The following KIAA1217 variants were observed in gnomAD, a reference collection of about 807,000 sequenced individuals.
KIAA1217 encodes sickle tail protein homolog.
Under a neutral mutation model 163.9 loss-of-function variants are expected in KIAA1217, and 88 were observed. That is an observed-to-expected ratio of 0.54 (90% CI 0.45 to 0.64). The LOEUF is 0.64. KIAA1217 is among the 30% of genes least tolerant of loss of function. The pLI is 0.00. For synonymous variants in KIAA1217, 903 were observed against 923.1 expected (o/e 0.98, Z 0.39); for missense variants, 2,372 against 2,475.0 (o/e 0.96, Z 0.88).
At chr10:24,444,382 G>A (rs1454975474) in intron 5 of KIAA1217, among the ~76,000 whole-genome samples, 1 of 152,174 alleles carries the variant, frequency 6.6e-6, no homozygotes, top group African/African-American at 2.4e-5. Flanking sequence ...CCTACCCCAG[G>A]AAGCTTTCGC....
chr10:23,738,658 A>G (rs1838940951), intron 1 of KIAA1217, among the ~76,000 whole-genome samples: 1 of 151,906 alleles, frequency 6.6e-6, no homozygotes, highest in Admixed American at 6.6e-5. Context: ...GAAAATGGTG[A>G]GCAGTGAGGA....
intron 1 of KIAA1217, among the ~76,000 whole-genome samples, chr10:23,857,597 A>G (rs1234576149): frequency 6.6e-6 from 1 of 152,198 alleles, no homozygotes; most frequent in African/African-American, 2.4e-5. Flanking sequence ...TTAAATCAGA[A>G]GGTCTAGGGT....
intron 1 of KIAA1217, among the ~76,000 whole-genome samples, chr10:23,813,970 A>G (rs1383916913): frequency 6.6e-6 from 1 of 152,164 alleles, no homozygotes; most frequent in African/African-American, 2.4e-5. Context: ...TCAATTCAGG[A>G]TGATGCAGTT....
intron 5 of KIAA1217, chr10:24,466,887 GT>G (rs1375417705): frequency 2.8e-6 from 2 of 708,274 alleles, no homozygotes; most frequent in African/African-American, 3.9e-5. Flanking sequence ...TGAGTGGTAT[GT>G]TTACAAATTC....
intron 1 of KIAA1217, among the ~76,000 whole-genome samples, chr10:23,913,795 T>C (rs1466839988): frequency 6.6e-6 from 1 of 152,080 alleles, no homozygotes. Context: ...TTTTACACAC[T>C]GGGAAGGTGG....
chr10:24,312,491 T>G (rs986980160), intron 2 of KIAA1217, among the ~76,000 whole-genome samples: 1 of 152,036 alleles, frequency 6.6e-6, no homozygotes, highest in Admixed American at 6.6e-5. Flanking sequence ...TGGTGGCGCA[T>G]GCCTGTAATC....
chr10:24,373,087 C>T (rs1276059767), intron 2 of KIAA1217, among the ~76,000 whole-genome samples: 1 of 152,184 alleles, frequency 6.6e-6, no homozygotes, highest in South Asian at 2.1e-4. Flanking sequence ...TCTCCTGGGA[C>T]TTATAGTGAA....
At chr10:24,032,669 A>G (rs2131540782) in intron 2 of KIAA1217, among the ~76,000 whole-genome samples, 1 of 152,324 alleles carries the variant, frequency 6.6e-6, no homozygotes, top group African/African-American at 2.4e-5. Flanking sequence ...AGTCACAAGT[A>G]TGTAAAGCCT....
intron 2 of KIAA1217, among the ~76,000 whole-genome samples, chr10:24,069,230 G>A (rs1266166383): frequency 3.3e-5 from 5 of 152,212 alleles, no homozygotes; most frequent in East Asian, 1.9e-4. Flanking sequence ...ACAAAAGCCA[G>A]TCCTTTAGGT....
rs531804258 is a variant in KIAA1217 at position 23,942,298 on chromosome 10, T to C, written c.-320-64927T>C. Among the ~76,000 whole-genome samples the C allele has an allele frequency of 2.6e-5, 4 of 152,124 alleles. No individual in the cohort carries two copies. In the South Asian group the frequency reaches 6.2e-4, roughly 24 times the overall value. On this transcript the variant is annotated intron_variant, in intron 1 of 18. Coordinates refer to the KIAA1217 transcript ENST00000376462. ...TCTATAAATATATTTAAGAATGTAA[T>C]GGAAAAGGTGGTAATAATGAGTGAA...
intron 2 of KIAA1217, among the ~76,000 whole-genome samples, chr10:24,319,686 A>C (rs1564465435): frequency 6.6e-6 from 1 of 152,152 alleles, no homozygotes; most frequent in Non-Finnish European, 1.5e-5. Flanking sequence ...AGCCTTGAAG[A>C]CCACCCCAGG....
intron 1 of KIAA1217, among the ~76,000 whole-genome samples, chr10:23,812,366 T>A (rs753457291): frequency 6.6e-5 from 10 of 152,208 alleles, no homozygotes; most frequent in Non-Finnish European, 1.2e-4. Context: ...TTAATTCATG[T>A]GAATGCCTTA....
chr10:23,757,583 T>C (rs192145441), intron 1 of KIAA1217, among the ~76,000 whole-genome samples: 2 of 152,232 alleles, frequency 1.3e-5, no homozygotes, highest in African/African-American at 4.8e-5. Context: ...AGTGGCGTGA[T>C]CTCAGTTCAC....
At chr10:23,735,859 ACAATCAAC>A (rs1176649095) in intron 1 of KIAA1217, among the ~76,000 whole-genome samples, 1 of 152,240 alleles carries the variant, frequency 6.6e-6, no homozygotes, top group Non-Finnish European at 1.5e-5. Context: ...GACATATGAA[ACAATCAAC>A]CATCAACATA....
intron 9 of KIAA1217, among the ~76,000 whole-genome samples, chr10:24,502,213 G>A (rs1001999783): frequency 6.6e-6 from 1 of 150,918 alleles, no homozygotes; most frequent in African/African-American, 2.4e-5. Context: ...CACACTGAAC[G>A]GGGACAAAGG....
At chr10:24,545,769 TG>T (rs1402653446) in intron 20 of KIAA1217, 57 bp from the exon 21 acceptor site, 79 of 1,539,844 alleles carry the variant, frequency 5.1e-5, no homozygotes, top group Non-Finnish European at 6.6e-5. Context: ...CCAGGCCCTG[TG>T]GGTTGATCAT....
chr10:24,517,802 C>T (rs1050487588), intron 10 of KIAA1217, among the ~76,000 whole-genome samples: 26 of 152,164 alleles, frequency 1.7e-4, no homozygotes, highest in African/African-American at 6.3e-4. Flanking sequence ...AGAGACCAGT[C>T]TGGCCAACAT....
chr10:23,951,051 T>A (rs562634163), intron 1 of KIAA1217, among the ~76,000 whole-genome samples: 45 of 152,232 alleles, frequency 3.0e-4, no homozygotes, highest in African/African-American at 1.1e-3. Context: ...GTATAAGAGA[T>A]GAACAAACAA....
intron 3 of KIAA1217, among the ~76,000 whole-genome samples, chr10:24,432,087 A>C (rs1026043915): frequency 4.0e-5 from 6 of 151,786 alleles, no homozygotes; most frequent in African/African-American, 1.2e-4. Flanking sequence ...CAGATTTCTA[A>C]ATATACCTTT....
Sources: gnomAD v4.1 joint callset for allele counts (sites outside exome capture counted in the v4.1 genomes callset) on GRCh38, gnomAD v4.1.1 for gene constraint, MANE v1.5 for transcripts, NCBI Gene and HGNC (gene_info 2026-07-23, HGNC 2026-07-21) for gene names.